The following CMSS1 variants were observed in gnomAD, a reference collection of about 807,000 sequenced individuals.
CMSS1 encodes protein CMSS1.
A neutral mutation model predicts 43.5 loss-of-function variants in CMSS1; 33 were observed. The ratio of observed to expected loss-of-function variants is 0.76; its 90% CI spans 0.57 to 1.01. The LOEUF is 1.01. Among genes scored for constraint, CMSS1 ranks in the 50% least tolerant of loss-of-function variants. The pLI, the probability that CMSS1 is intolerant of heterozygous loss-of-function variation, is 0.00. For missense variants in CMSS1, 313 were observed against 326.4 expected, an observed-to-expected ratio of 0.96 and a Z score of 0.32; for synonymous variants, 115 against 117.2, an observed-to-expected ratio of 0.98 and a Z score of 0.12.
chr3:99,820,240 A>T (rs928345645), intron 1 of CMSS1, among the ~76,000 whole-genome samples: 15 of 149,018 alleles, frequency 1.0e-4, no homozygotes, highest in African/African-American at 3.7e-4. Context: ...CTTGTCCCCC[A>T]GTCTGGAGTA....
intron 1 of CMSS1, among the ~76,000 whole-genome samples, chr3:99,934,717 A>G (rs983369902): frequency 9.2e-5 from 14 of 152,370 alleles, no homozygotes; most frequent in Middle Eastern, 3.4e-3. Context: ...TATACATTCT[A>G]GCTTCCTCAC....
intron 1 of CMSS1, among the ~76,000 whole-genome samples, chr3:99,913,591 C>T (rs1706861174): frequency 6.6e-6 from 1 of 152,032 alleles, no homozygotes. Flanking sequence ...TATGCAACCA[C>T]TTAAAAAAAG....
At chr3:100,153,084 A>G (rs1008041083) in intron 2 of CMSS1, among the ~76,000 whole-genome samples, 14 of 152,336 alleles carry the variant, frequency 9.2e-5, no homozygotes, top group Admixed American at 2.0e-4. Flanking sequence ...AATGTCAAAT[A>G]TACCATTCAA....
chr3:99,876,452 G>A (rs796275771), intron 1 of CMSS1, among the ~76,000 whole-genome samples: 4 of 152,354 alleles, frequency 2.6e-5, no homozygotes, highest in African/African-American at 9.6e-5. Context: ...AGGCAGGGTC[G>A]ATCCGCTTGT....
At position 99,850,744 on chromosome 3, in the gene CMSS1, G is replaced by A. The variant is rs369472685; in HGVS notation, c.64+32701G>A. On this transcript the variant is annotated intron_variant, in intron 1 of 9. Coordinates refer to ENST00000421999, the MANE Select transcript of CMSS1 (RefSeq NM_032359.4). Reference sequence around the variant, plus strand: ...TTGACTGTCCTCATTGGTGAGCTTCGCCATAATTGTGTCTTGGTCTTGGTG... The same window carrying A: ...TTGACTGTCCTCATTGGTGAGCTTCACCATAATTGTGTCTTGGTCTTGGTG... 7.4e-6 allele frequency: 12 copies of A among 1,614,008 alleles called. No individual in the cohort carries two copies. The East Asian group carries it at 1.1e-4, about 15-fold the overall frequency.
intron 1 of CMSS1, chr3:99,847,900 G>A: frequency 1.0e-6 from 1 of 970,686 alleles, no homozygotes; most frequent in Non-Finnish European, 1.2e-6. Context: ...AACACAGAAT[G>A]ACCAAAAGAA....
intron 1 of CMSS1, among the ~76,000 whole-genome samples, chr3:99,983,034 A>G (rs1035538643): frequency 6.6e-6 from 1 of 151,012 alleles, no homozygotes; most frequent in Non-Finnish European, 1.5e-5. Context: ...ATATGAGGGA[A>G]GTCATTGTTC....
intron 1 of CMSS1, among the ~76,000 whole-genome samples, chr3:99,884,817 T>C (rs7617103): frequency 0.015 from 2,254 of 152,330 alleles, 55 homozygotes; most frequent in African/African-American, 0.052. Context: ...GGAATGCTGT[T>C]TACAGGTATA....
At chr3:99,935,441 C>G (rs2107668789) in intron 1 of CMSS1, among the ~76,000 whole-genome samples, 1 of 152,138 alleles carries the variant, frequency 6.6e-6, no homozygotes, top group East Asian at 1.9e-4. Context: ...AGAACGATAA[C>G]CTTCAGGAGT....
chr3:100,091,067 C>T (rs1361722066), intron 1 of CMSS1, among the ~76,000 whole-genome samples: 3 of 152,062 alleles, frequency 2.0e-5, no homozygotes, highest in East Asian at 3.9e-4. Context: ...GGGCGGATCA[C>T]GAGATCAGGA....
chr3:99,890,888 T>G (rs1326756476), intron 1 of CMSS1, among the ~76,000 whole-genome samples: 1 of 152,190 alleles, frequency 6.6e-6, no homozygotes, highest in Non-Finnish European at 1.5e-5. Context: ...TGAAGTCACG[T>G]ATCTCAGAAT....
At chr3:99,849,968 T>G (rs1245387593) in intron 1 of CMSS1, 1 of 1,612,720 alleles carries the variant, frequency 6.2e-7, no homozygotes, top group Admixed American at 1.7e-5. Flanking sequence ...GCTTTCAATT[T>G]GTTTTTTAAA....
intron 1 of CMSS1, among the ~76,000 whole-genome samples, chr3:100,082,197 T>C (rs948713590): frequency 6.6e-6 from 1 of 152,224 alleles, no homozygotes; most frequent in Non-Finnish European, 1.5e-5. Flanking sequence ...ACATTATTGC[T>C]AAAGAGTCAT....
chr3:99,943,230 T>C (rs1707903887), intron 1 of CMSS1, among the ~76,000 whole-genome samples: 1 of 152,178 alleles, frequency 6.6e-6, no homozygotes, highest in Non-Finnish European at 1.5e-5. Context: ...ATTATGACAT[T>C]AAAATAATGG....
At chr3:99,903,043 C>G (rs1706488512) in intron 1 of CMSS1, among the ~76,000 whole-genome samples, 1 of 152,190 alleles carries the variant, frequency 6.6e-6, no homozygotes, top group East Asian at 1.9e-4. Context: ...GGTTTAATTC[C>G]TTTCCTGCCC....
chr3:99,883,536 T>C (rs56223679), intron 1 of CMSS1, among the ~76,000 whole-genome samples: 19,478 of 152,084 alleles, frequency 0.13, 1,834 homozygotes, highest in African/African-American at 0.26. Flanking sequence ...TGGGGGGTGT[T>C]GTATAAACAG....
chr3:99,983,490 A>G (rs75445637), intron 1 of CMSS1, among the ~76,000 whole-genome samples: 543 of 24,552 alleles, frequency 0.022, 11 homozygotes, highest in African/African-American at 0.042. Context: ...ATATATATAT[A>G]TATATATATA....
intron 1 of CMSS1, among the ~76,000 whole-genome samples, chr3:99,900,229 C>G (rs1292021085): frequency 6.6e-6 from 1 of 152,030 alleles, no homozygotes; most frequent in Non-Finnish European, 1.5e-5. Flanking sequence ...ACTCAACCTC[C>G]TTGAGTTTGA....
chr3:99,889,569 A>G (rs1179991349), intron 1 of CMSS1, among the ~76,000 whole-genome samples: 1 of 151,928 alleles, frequency 6.6e-6, no homozygotes, highest in Non-Finnish European at 1.5e-5. Flanking sequence ...CATTTTGTCT[A>G]TGTTTATAGT....
Sources: allele counts gnomAD v4.1 joint callset (sites outside exome capture counted in the v4.1 genomes callset), GRCh38; gene constraint gnomAD v4.1.1; transcripts MANE v1.5; gene names NCBI Gene and HGNC (gene_info 2026-07-23, HGNC 2026-07-21).